SCNN1A: variants seen among roughly 807,000 people sequenced by gnomAD.
The protein encoded by SCNN1A is sodium channel epithelial 1 subunit alpha.
A neutral mutation model predicts 68.6 loss-of-function variants in SCNN1A; 65 were observed. That is an observed-to-expected ratio of 0.95 (90% confidence interval 0.78 to 1.16). SCNN1A has a LOEUF of 1.16. Among genes scored for constraint, SCNN1A ranks in the 50% most tolerant of loss-of-function variants. SCNN1A has a pLI of 0.00. For missense variants in SCNN1A, 880 were observed against 865.9 expected, an observed-to-expected ratio of 1.02 and a Z score of -0.20; for synonymous variants, 357 against 353.3, an observed-to-expected ratio of 1.01 and a Z score of -0.12.
upstream of SCNN1A, chr12:6,375,872 A>G: frequency 7.8e-7 from 1 of 1,285,654 alleles, no homozygotes. Context: ...GGGAACCGGG[A>G]GGACAGGAGG....
chr12:6,358,219 G>A (rs1373814614), intron 4 of SCNN1A, among the ~76,000 whole-genome samples: 1 of 152,208 alleles, frequency 6.6e-6, no homozygotes, highest in Non-Finnish European at 1.5e-5. Flanking sequence ...AGTAAGAGCT[G>A]TATTAGCTCA....
chr12:6,351,674 A>T lies in SCNN1A; in HGVS notation c.1361-2269T>A, dbSNP rs1263171165. On this transcript the variant is annotated intron_variant, in intron 8 of 12. Coordinates refer to ENST00000228916, the MANE Select transcript of SCNN1A (RefSeq NM_001038.6). This position sits in a 1 kb window ranked among gnomAD's most constrained non-coding sequence, Gnocchi z 4.2. Reference sequence around the variant, plus strand: ...ATTCAGAATAGGCAAATCCATAGAGAGAGAAAGAAAGAATCGTGGTTGCCC... The same window carrying T: ...ATTCAGAATAGGCAAATCCATAGAGTGAGAAAGAAAGAATCGTGGTTGCCC... Among the ~76,000 whole-genome samples, 2 of 151,042 alleles carry T rather than the reference A, an allele frequency of 1.3e-5. No homozygotes were observed. Among genetic ancestry groups the T allele is most frequent in the Admixed American group, 6.6e-5 (1 of 15,158 alleles).
At chr12:6,360,345 G>T (rs1592072328) in intron 4 of SCNN1A, among the ~76,000 whole-genome samples, 1 of 152,206 alleles carries the variant, frequency 6.6e-6, no homozygotes, top group South Asian at 2.1e-4. Context: ...CAGAGCAAAG[G>T]GAGGGCATCG....
At chr12:6,377,173 C>A, upstream of SCNN1A, 1 of 1,257,716 alleles carries the variant, frequency 8.0e-7, no homozygotes, top group South Asian at 1.3e-5. Flanking sequence ...GTGGCTTCCT[C>A]TCTTGCGGCA....
intron 12 of SCNN1A, 86 bp downstream of exon 12, chr12:6,348,641 A>G: frequency 8.4e-7 from 1 of 1,184,144 alleles, no homozygotes; most frequent in South Asian, 1.2e-5. Flanking sequence ...TCTGGCCCAC[A>G]GAGACAACCT....
At chr12:6,358,399 C>A (rs981654235) in intron 4 of SCNN1A, among the ~76,000 whole-genome samples, 4 of 152,178 alleles carry the variant, frequency 2.6e-5, no homozygotes, top group South Asian at 2.1e-4. Context: ...TATAGAGTTA[C>A]CACATGACCC....
chr12:6,374,773 T>C lies in SCNN1A; in HGVS notation c.11A>G (p.Asn4Ser). The stretch of plus-strand genomic sequence containing the variant: ...GCTAGAGTCCTGCTCCTCCAGCTTG[T>C]TCCCCTCCATGAGACCTGGTATGGG... MEG[N>S]KLEEQDSSPP... Residue 4 changes from asparagine (N) to serine (S), a missense_variant, in exon 2 of 13, where the codon AAC becomes AGC. Around this residue, in one of 3 missense-constraint regions of SCNN1A, gnomAD observed 77 missense variants for 67.4 expected, o/e 1.14. Transcript: ENST00000228916. The surrounding 1 kb of genome is among the most constrained non-coding windows in gnomAD (Gnocchi z 6.2). 2.5e-6 allele frequency: 4 copies of C among 1,614,052 alleles called. No homozygotes were observed. Among genetic ancestry groups the C allele is most frequent in the South Asian group, 1.1e-5 (1 of 91,074 alleles).
intron 2 of SCNN1A, among the ~76,000 whole-genome samples, chr12:6,364,679 G>A (rs985577938): frequency 6.6e-6 from 1 of 151,788 alleles, no homozygotes; most frequent in African/African-American, 2.4e-5. Context: ...GGAGAATGGT[G>A]TGAACCCGGG....
intron 2 of SCNN1A, among the ~76,000 whole-genome samples, chr12:6,369,531 G>A (rs1948747908): frequency 6.6e-6 from 1 of 151,962 alleles, no homozygotes; most frequent in African/African-American, 2.4e-5. Flanking sequence ...CCTCTTTTTT[G>A]GCATAAGATA....
intron 1 of SCNN1A, chr12:6,375,216 C>T (rs1329146158): frequency 6.9e-7 from 1 of 1,442,344 alleles, no homozygotes; most frequent in East Asian, 2.5e-5. Context: ...CTCTATCTGC[C>T]TTCTGTTTCT....
chr12:6,375,037 TTGGGGCCAAAAGTGCCGGAGC>T, intron 1 of SCNN1A, 200 bp from the exon 2 acceptor site: 1 of 1,539,354 alleles, frequency 6.5e-7, no homozygotes, highest in Non-Finnish European at 8.7e-7. Context: ...CCTGCGGGAG[TTGGGGCCAAAAGTGCCGGAGC>T]TGGGCTTCCC....
Position 6,351,038 on chromosome 12 carries a change from C to T in SCNN1A, c.1361-1633G>A, listed in dbSNP as rs1400718773. 6.6e-6 allele frequency among the ~76,000 whole-genome samples: 1 copy of T among 152,106 alleles called. No homozygotes were observed. The highest frequency in any genetic ancestry group is 1.5e-5 in the Non-Finnish European group (1 of 68,012). On this transcript the variant is annotated intron_variant, in intron 8 of 12. Transcript: ENST00000228916. The surrounding 1 kb of genome is among the most constrained non-coding windows in gnomAD (Gnocchi z 4.2). ...ACCATATGACCTAGCAATTCCATTC[C>T]TAGGTATATACCCAAGAAAATGGAA...
intron 4 of SCNN1A, among the ~76,000 whole-genome samples, chr12:6,359,289 G>A (rs6489713): frequency 0.17 from 25,289 of 152,094 alleles, 4,594 homozygotes; most frequent in African/African-American, 0.46. Context: ...AAGATTATAG[G>A]GTGGGGGAAA....
chr12:6,347,852 T>G lies in SCNN1A; in HGVS notation c.*21A>C. On this transcript the variant is annotated 3_prime_UTR_variant, in exon 13 of 13. Coordinates refer to ENST00000228916, the MANE Select transcript of SCNN1A (RefSeq NM_001038.6). ...CACCAGAGGAGCATCTGCCTTGGTG[T>G]GAGAAACCTCTCCTTCCCTCTCAGG... 1.3e-6 allele frequency: 2 copies of G among 1,589,624 alleles called. No homozygotes were observed. Among genetic ancestry groups the G allele is most frequent in the Non-Finnish European group, 1.7e-6 (2 of 1,164,776 alleles).
rs1042395013 is a variant in SCNN1A, at chr12:6,375,537, G to A, written c.-87C>T. 12 of 1,534,962 alleles carry A rather than the reference G, an allele frequency of 7.8e-6. No homozygotes were observed. In the East Asian group the frequency reaches 1.2e-4, roughly 16 times the overall value. ...GTGCAGCGGCCTGGCTGGGGAGCCC[G>A]CCCGCTGGCCGGCCAGGGATGGAAG... On this transcript the variant is annotated 5_prime_UTR_variant, in exon 1 of 13. Coordinates refer to ENST00000228916, the MANE Select transcript of SCNN1A (RefSeq NM_001038.6).
intron 11 of SCNN1A, 30 bp downstream of exon 11, chr12:6,348,920 T>C: frequency 6.2e-7 from 1 of 1,613,080 alleles, no homozygotes; most frequent in Admixed American, 1.7e-5. Context: ...AAGATTCCCT[T>C]CTTGTGGCTG....
intron 12 of SCNN1A, 70 bp downstream of exon 12, chr12:6,348,656 GT>G: frequency 7.3e-7 from 1 of 1,364,680 alleles, no homozygotes; most frequent in Non-Finnish European, 1.0e-6. Context: ...CAACCTTTTG[GT>G]TTTCCCCGAC....
intron 6 of SCNN1A, 90 bp downstream of exon 6, chr12:6,355,182 C>T: frequency 7.0e-7 from 1 of 1,434,608 alleles, no homozygotes. Flanking sequence ...GCCCACCCCA[C>T]ATGCTCTCCC....
chr12:6,350,412 C>T (rs1447063481), intron 8 of SCNN1A, among the ~76,000 whole-genome samples: 5 of 142,076 alleles, frequency 3.5e-5, no homozygotes, highest in Admixed American at 7.3e-5. Context: ...CTAGCCTGGG[C>T]GACTGAGCGA....
Sources: allele counts gnomAD v4.1 joint callset (sites outside exome capture counted in the v4.1 genomes callset), GRCh38; gene constraint gnomAD v4.1.1; regional missense constraint gnomAD v4.1.1; non-coding constraint Gnocchi (gnomAD v3.1); transcripts MANE v1.5; gene names NCBI Gene and HGNC (gene_info 2026-07-23, HGNC 2026-07-21).